The following CACNA2D1 variants were observed in gnomAD, a reference collection of about 807,000 sequenced individuals.
CACNA2D1 encodes voltage-dependent calcium channel subunit alpha-2/delta-1.
In CACNA2D1, 53 loss-of-function variants were observed where a neutral mutation model predicts 171.5. The ratio of observed to expected loss-of-function variants is 0.31; its 90% CI spans 0.25 to 0.39. The LOEUF (loss-of-function observed/expected upper bound fraction) is 0.39, where lower values mean the gene tolerates loss of function less well. CACNA2D1 is among the 10% of genes least tolerant of loss of function. The probability of loss-of-function intolerance (pLI) is 1.00; values close to 1 mark genes in which losing one functional copy is unlikely to be tolerated. For missense variants in CACNA2D1, 903 were observed against 1,299.8 expected, an observed-to-expected ratio of 0.69 and a Z score of 4.69; for synonymous variants, 442 against 443.1, an observed-to-expected ratio of 1.00 and a Z score of 0.03.
At chr7:82,330,407 C>A (rs936495837) in intron 3 of CACNA2D1, among the ~76,000 whole-genome samples, 1 of 152,030 alleles carries the variant, frequency 6.6e-6, no homozygotes, top group African/African-American at 2.4e-5. Flanking sequence ...CACCAAAAAA[C>A]CCTCCACTTT....
At chr7:82,000,740 A>G (rs920351238) in intron 18 of CACNA2D1, among the ~76,000 whole-genome samples, 1 of 133,940 alleles carries the variant, frequency 7.5e-6, no homozygotes, top group Admixed American at 7.9e-5. Context: ...GACTACAGGC[A>G]TGTACTACCA....
chr7:82,020,429 GTGA>G (rs1314210526), intron 12 of CACNA2D1, among the ~76,000 whole-genome samples: 6 of 152,088 alleles, frequency 3.9e-5, no homozygotes, highest in African/African-American at 1.4e-4. Context: ...GGGGGTGATG[GTGA>G]TGATGATATT....
intron 1 of CACNA2D1, among the ~76,000 whole-genome samples, chr7:82,404,726 G>C (rs1164050089): frequency 2.6e-5 from 4 of 152,122 alleles, no homozygotes; most frequent in Admixed American, 6.6e-5. Context: ...CTGCAGAAAA[G>C]AAAATCATAA....
chr7:82,047,695 C>T (rs1182462287), intron 10 of CACNA2D1, among the ~76,000 whole-genome samples: 3 of 151,970 alleles, frequency 2.0e-5, no homozygotes, highest in African/African-American at 7.3e-5. Flanking sequence ...TGTACAGTAA[C>T]ATTAGTACAA....
At chr7:82,439,859 T>G (rs1830365792) in intron 1 of CACNA2D1, among the ~76,000 whole-genome samples, 1 of 151,832 alleles carries the variant, frequency 6.6e-6, no homozygotes, top group Non-Finnish European at 1.5e-5. Flanking sequence ...TATTTTACAT[T>G]TAATATTTTA....
intron 3 of CACNA2D1, among the ~76,000 whole-genome samples, chr7:82,285,353 C>T (rs1810628209): frequency 6.6e-6 from 1 of 152,166 alleles, no homozygotes; most frequent in African/African-American, 2.4e-5. Flanking sequence ...CAGCCCAACC[C>T]TGTGCAATCC....
chr7:82,363,961 C>T (rs572196991), intron 1 of CACNA2D1, among the ~76,000 whole-genome samples: 3 of 152,172 alleles, frequency 2.0e-5, no homozygotes, highest in South Asian at 2.1e-4. Flanking sequence ...AGGCAGGGCC[C>T]GGGGGCTCAC....
At chr7:81,952,401 C>CAGAA (rs1391886747) in intron 38 of CACNA2D1, among the ~76,000 whole-genome samples, 1 of 151,826 alleles carries the variant, frequency 6.6e-6, no homozygotes, top group Non-Finnish European at 1.5e-5. Context: ...TTTAAGGCAG[C>CAGAA]AGAACTATTT....
intron 4 of CACNA2D1, among the ~76,000 whole-genome samples, chr7:82,169,184 G>A (rs1795767139): frequency 6.6e-6 from 1 of 151,866 alleles, no homozygotes; most frequent in Non-Finnish European, 1.5e-5. Context: ...TAAGTATATT[G>A]TAAGCCTCTT....
At chr7:82,097,127 G>A (rs1021269737) in intron 6 of CACNA2D1, among the ~76,000 whole-genome samples, 3 of 152,208 alleles carry the variant, frequency 2.0e-5, no homozygotes, top group South Asian at 2.1e-4. Flanking sequence ...CAGTGAACTC[G>A]CTGTACAGGC....
intron 3 of CACNA2D1, among the ~76,000 whole-genome samples, chr7:82,219,361 A>C (rs557196293): frequency 6.6e-6 from 1 of 152,118 alleles, no homozygotes; most frequent in Non-Finnish European, 1.5e-5. Flanking sequence ...GGTTCTACAT[A>C]ATTTTTTTTC....
intron 3 of CACNA2D1, among the ~76,000 whole-genome samples, chr7:82,242,771 C>G (rs991463883): frequency 1.3e-5 from 2 of 151,248 alleles, no homozygotes; most frequent in Admixed American, 6.6e-5. Flanking sequence ...CTATTACACA[C>G]GTCTACACAT....
intron 1 of CACNA2D1, among the ~76,000 whole-genome samples, chr7:82,413,691 AC>A (rs1827902748): frequency 6.6e-6 from 1 of 152,218 alleles, no homozygotes; most frequent in African/African-American, 2.4e-5. Context: ...AGATGTAAAT[AC>A]TTAATGTGTT....
chr7:81,993,836 T>C (rs577062711), intron 20 of CACNA2D1, among the ~76,000 whole-genome samples: 3 of 152,166 alleles, frequency 2.0e-5, no homozygotes, highest in East Asian at 1.9e-4. Context: ...TTGCAATAAA[T>C]TGAAGGAAGA....
intron 3 of CACNA2D1, among the ~76,000 whole-genome samples, chr7:82,247,730 A>G (rs1177208624): frequency 6.6e-6 from 1 of 152,198 alleles, no homozygotes; most frequent in Non-Finnish European, 1.5e-5. Context: ...TCCAGTTTTT[A>G]AATTTTCCTT....
At chr7:82,334,862 T>A (rs762841976) in intron 3 of CACNA2D1, among the ~76,000 whole-genome samples, 8 of 151,906 alleles carry the variant, frequency 5.3e-5, no homozygotes, top group Non-Finnish European at 1.0e-4. Flanking sequence ...ATGTTCAATT[T>A]ATTATTATGT....
intron 3 of CACNA2D1, among the ~76,000 whole-genome samples, chr7:82,250,901 T>C (rs1289869049): frequency 6.6e-6 from 1 of 152,154 alleles, no homozygotes; most frequent in South Asian, 2.1e-4. Context: ...GCCACAAGAA[T>C]ATCTCAGGAC....
chr7:82,427,727 C>T (rs1829315806), intron 1 of CACNA2D1, among the ~76,000 whole-genome samples: 1 of 152,160 alleles, frequency 6.6e-6, no homozygotes, highest in African/African-American at 2.4e-5. Context: ...ATGCAAGTTC[C>T]ATGAAATAAT....
intron 5 of CACNA2D1, among the ~76,000 whole-genome samples, chr7:82,121,771 AC>A (rs1281369510): frequency 2.7e-5 from 4 of 150,300 alleles, no homozygotes; most frequent in East Asian, 2.0e-4. Flanking sequence ...TTGCAAAAAA[AC>A]ATATGAGCTT....
Sources: gnomAD v4.1 joint callset for allele counts (sites outside exome capture counted in the v4.1 genomes callset) on GRCh38, gnomAD v4.1.1 for gene constraint, MANE v1.5 for transcripts, NCBI Gene and HGNC (gene_info 2026-07-23, HGNC 2026-07-21) for gene names.